SLC39A8: variants seen among roughly 807,000 people sequenced by gnomAD.
The protein encoded by SLC39A8 is solute carrier family 39 member 8.
A neutral mutation model predicts 40.4 loss-of-function variants in SLC39A8; 15 were observed. The observed-to-expected ratio is 0.37, with a 90% CI of 0.25 to 0.57. The LOEUF (loss-of-function observed/expected upper bound fraction) is 0.57. Ranked by LOEUF, SLC39A8 falls within the 20% of genes least tolerant of loss-of-function variation. The probability of loss-of-function intolerance (pLI) is 0.75; values close to 1 mark genes in which losing one functional copy is unlikely to be tolerated. For missense variants in SLC39A8, 472 were observed against 558.8 expected, an observed-to-expected ratio of 0.84 and a Z score of 1.57; for synonymous variants, 223 against 221.6, an observed-to-expected ratio of 1.01 and a Z score of -0.06.
chr4:102,331,581 C>T (rs1735465407), intron 2 of SLC39A8, among the ~76,000 whole-genome samples: 2 of 152,140 alleles, frequency 1.3e-5, no homozygotes, highest in South Asian at 4.1e-4. Context: ...ATGAAAACGG[C>T]CATACTGCCC....
intron 6 of SLC39A8, among the ~76,000 whole-genome samples, chr4:102,274,989 G>A (rs1187689185): frequency 1.3e-5 from 2 of 152,158 alleles, no homozygotes; most frequent in African/African-American, 4.8e-5. Context: ...ACCAGCCATG[G>A]CAAAAACAAA....
intron 2 of SLC39A8, among the ~76,000 whole-genome samples, chr4:102,342,402 G>C (rs1254295714): frequency 6.6e-6 from 1 of 152,198 alleles, no homozygotes; most frequent in Non-Finnish European, 1.5e-5. Context: ...GGAAGGCTGA[G>C]GCAGGAGAAT....
intron 8 of SLC39A8, among the ~76,000 whole-genome samples, chr4:102,264,145 C>T (rs1296611012): frequency 6.6e-6 from 1 of 152,160 alleles, no homozygotes; most frequent in Non-Finnish European, 1.5e-5. Context: ...TGCCCAGATG[C>T]ATCAGAGGAA....
chr4:102,256,561 C>A (rs1375026151), intron 11 of SLC39A8, among the ~76,000 whole-genome samples: 1 of 152,134 alleles, frequency 6.6e-6, no homozygotes, highest in Non-Finnish European at 1.5e-5. Context: ...TCTCTGTATG[C>A]ATAGTTAATC....
rs143641849 is a variant in SLC39A8 at position 102,315,704 on chromosome 4, G to A, written c.346C>T (p.Arg116Trp). Residue 116 changes from arginine (R) to tryptophan (W), a missense_variant, in exon 3 of 9, where the codon CGG (arginine) becomes TGG (tryptophan). Physicochemically the swap from Arg to Trp is moderately radical, Grantham distance 101 (BLOSUM62 -3). Coordinates refer to ENST00000356736, the MANE Select transcript of SLC39A8 (RefSeq NM_001135146.2). ...CTTGGTCTTGTTTTGTGCTTGGGCC[G>A]ATCCTCACATGGGTGAAAGTTCAAT... The part of the protein sequence containing the change: ...QQLNFHPCED[R>W]PKHKTRPSHS... 1.9e-5 allele frequency: 30 copies of A among 1,612,504 alleles called. No homozygotes were observed. The highest frequency in any genetic ancestry group is 1.8e-4 in the East Asian group (8 of 44,824).
At chr4:102,328,882 G>T (rs555703396) in intron 2 of SLC39A8, among the ~76,000 whole-genome samples, 9 of 152,254 alleles carry the variant, frequency 5.9e-5, no homozygotes, top group African/African-American at 1.9e-4. Context: ...AAAAAAATTA[G>T]CTGGGCTTGG....
intron 6 of SLC39A8, among the ~76,000 whole-genome samples, chr4:102,296,982 C>G (rs1465948895): frequency 6.6e-6 from 1 of 152,100 alleles, no homozygotes; most frequent in African/African-American, 2.4e-5. Context: ...CGCCTGTAGT[C>G]CTAATTACTC....
At position 102,341,574 on chromosome 4, in the gene SLC39A8, A is replaced by T. The variant is rs561367436; in HGVS notation, c.219+2870T>A. Among the ~76,000 whole-genome samples the T allele has an allele frequency of 3.3e-5, 5 of 152,276 alleles. 1 individual carries two copies. In the South Asian group the frequency reaches 1.0e-3, roughly 32 times the overall value. On this transcript the variant is annotated intron_variant, in intron 2 of 8. Transcript: ENST00000356736. The stretch of plus-strand genomic sequence containing the variant: ...AGGGCCCCAGAGACCTATTTGGCTA[A>T]AAGGGCTCCCTCTTCTTTGTTGTTT...
intron 6 of SLC39A8, among the ~76,000 whole-genome samples, chr4:102,295,947 C>A (rs1184313703): frequency 1.3e-5 from 2 of 152,024 alleles, no homozygotes; most frequent in Non-Finnish European, 2.9e-5. Context: ...GCAAGTGGCT[C>A]TAGCTGGTAT....
At chr4:102,253,229 G>A (rs1283983890) in exon 12 of SLC39A8, 2 of 413,476 alleles carry the variant, frequency 4.8e-6, no homozygotes, top group Non-Finnish European at 8.7e-6. Flanking sequence ...TGCTCCAGGT[G>A]TCACACCTAC....
chr4:102,301,086 C>T (rs897283365), intron 6 of SLC39A8, among the ~76,000 whole-genome samples: 1 of 152,032 alleles, frequency 6.6e-6, no homozygotes, highest in Non-Finnish European at 1.5e-5. Flanking sequence ...CACGCACCTT[C>T]TCTTCTTTCT....
chr4:102,320,917 T>C (rs950346841), intron 2 of SLC39A8, among the ~76,000 whole-genome samples: 3 of 151,772 alleles, frequency 2.0e-5, no homozygotes, highest in African/African-American at 4.8e-5. Flanking sequence ...TTTTTAACAA[T>C]ATCAAGTATA....
chr4:102,256,429 A>G (rs2038707673), intron 11 of SLC39A8, among the ~76,000 whole-genome samples: 1 of 152,226 alleles, frequency 6.6e-6, no homozygotes, highest in Admixed American at 6.5e-5. Context: ...GTGATGATTC[A>G]TGCTTAAGGA....
At chr4:102,320,328 GTA>G (rs1014635745) in intron 2 of SLC39A8, among the ~76,000 whole-genome samples, 5 of 87,588 alleles carry the variant, frequency 5.7e-5, no homozygotes, top group African/African-American at 9.9e-5. Context: ...ATATGAGAAT[GTA>G]TATATGAGTA....
chr4:102,338,797 C>A (rs940127645), intron 2 of SLC39A8, among the ~76,000 whole-genome samples: 4 of 152,158 alleles, frequency 2.6e-5, no homozygotes, highest in East Asian at 3.9e-4. Context: ...ATTTTTCTTA[C>A]ACATAAAATG....
chr4:102,304,271 T>C (rs774254731), intron 6 of SLC39A8, 46 bp downstream of exon 6: 1 of 1,474,556 alleles, frequency 6.8e-7, no homozygotes, highest in South Asian at 1.2e-5. Flanking sequence ...GTTTACACAG[T>C]ATAAAGAATG....
At chr4:102,332,870 CATGGAT>C (rs1221480117) in intron 2 of SLC39A8, among the ~76,000 whole-genome samples, 3 of 152,188 alleles carry the variant, frequency 2.0e-5, no homozygotes, top group Non-Finnish European at 4.4e-5. Flanking sequence ...TTTTTAGAGA[CATGGAT>C]GAAGCTGGAA....
intron 2 of SLC39A8, chr4:102,324,167 C>T (rs754242509): frequency 4.4e-5 from 8 of 182,392 alleles, no homozygotes; most frequent in Admixed American, 6.0e-5. Context: ...GAGGCCGAGG[C>T]GGGCAGATCA....
intron 6 of SLC39A8, among the ~76,000 whole-genome samples, chr4:102,294,500 G>A (rs1379458035): frequency 6.6e-6 from 1 of 151,990 alleles, no homozygotes; most frequent in Non-Finnish European, 1.5e-5. Flanking sequence ...CCTGCCTTCA[G>A]CAAGAATTCC....
Sources: allele counts gnomAD v4.1 joint callset (sites outside exome capture counted in the v4.1 genomes callset), GRCh38; gene constraint gnomAD v4.1.1; transcripts MANE v1.5; gene names NCBI Gene and HGNC (gene_info 2026-07-23, HGNC 2026-07-21).